Variants in SETD2 observed in about 807,000 individuals in gnomAD.
The protein encoded by SETD2 is histone-lysine N-methyltransferase SETD2.
SETD2 carries 31 observed loss-of-function variants against 242.1 expected under a neutral mutation model. That is an observed-to-expected ratio of 0.13 (90% CI 0.10 to 0.17). The LOEUF (loss-of-function observed/expected upper bound fraction) is 0.17, where lower values mean the gene tolerates loss of function less well. SETD2 is among the 10% of genes least tolerant of loss of function. The pLI, the probability that SETD2 is intolerant of heterozygous loss-of-function variation, is 1.00. For missense variants in SETD2, 2,481 were observed against 3,046.3 expected (o/e 0.81, Z 4.37); for synonymous variants, 1,006 against 1,066.5 (o/e 0.94, Z 1.11).
intron 3 of SETD2, 128 bp downstream of exon 3, chr3:47,120,054 C>G: frequency 1.2e-6 from 1 of 828,450 alleles, no homozygotes; most frequent in South Asian, 2.2e-5. Flanking sequence ...CTTTTTTAGA[C>G]TTTTAAATTT....
intron 12 of SETD2, among the ~76,000 whole-genome samples, chr3:47,080,154 TAG>T (rs1024184939): frequency 1.3e-5 from 2 of 152,206 alleles, no homozygotes; most frequent in African/African-American, 4.8e-5. Context: ...TAACTTTTCA[TAG>T]AGAGTTTTAA....
In SETD2 at chr3:47,084,273, G is replaced by A. The variant is rs144171734; in HGVS notation, c.5507C>T (p.Pro1836Leu). Reference protein sequence around the residue: ...RWSQTKTAVPPLSEGDGYSSE... With the variant: ...RWSQTKTAVPLLSEGDGYSSE... The stretch of plus-strand genomic sequence containing the variant: ...AGAATACCCATCTCCTTCACTCAAC[G>A]GAGGGACAGCAGTCTTAGTCTGAGA... The change falls in exon 12 of 21, where the codon CCG becomes CTG. Residue 1836 changes from proline to leucine, a missense_variant. Around this residue, in one of 17 missense-constraint regions of SETD2, gnomAD observed 203 missense variants for 222.4 expected, o/e 0.91. Coordinates refer to ENST00000409792, the MANE Select transcript of SETD2 (RefSeq NM_014159.7). 2.2e-5 allele frequency: 36 copies of A among 1,613,924 alleles called. No homozygotes were observed. Among genetic ancestry groups the A allele is most frequent in the Middle Eastern group, 1.6e-4 (1 of 6,084 alleles).
At chr3:47,131,779 T>A (rs79767572) in intron 1 of SETD2, among the ~76,000 whole-genome samples, 2 of 151,052 alleles carry the variant, frequency 1.3e-5, no homozygotes, top group African/African-American at 4.9e-5. Flanking sequence ...TTTTTTTTTT[T>A]AATTTACTTA....
At chr3:47,065,288 A>G (rs546556653) in intron 13 of SETD2, among the ~76,000 whole-genome samples, 7 of 152,280 alleles carry the variant, frequency 4.6e-5, no homozygotes, top group Admixed American at 2.0e-4. Context: ...AAAGACAAAC[A>G]ATGGTGCAAA....
chr3:47,151,616 T>C (rs1320452465), intron 1 of SETD2, among the ~76,000 whole-genome samples: 1 of 152,000 alleles, frequency 6.6e-6, no homozygotes, highest in Admixed American at 6.6e-5. Context: ...TCACCTGAGA[T>C]CGGGAGTTCG....
intron 5 of SETD2, among the ~76,000 whole-genome samples, chr3:47,112,901 A>G (rs2042715061): frequency 6.6e-6 from 1 of 152,116 alleles, no homozygotes; most frequent in South Asian, 2.1e-4. Context: ...AGAATACTTT[A>G]AATATGCTAT....
At chr3:47,159,676 T>C (rs985063922) in intron 1 of SETD2, among the ~76,000 whole-genome samples, 2 of 152,166 alleles carry the variant, frequency 1.3e-5, no homozygotes, top group African/African-American at 4.8e-5. Flanking sequence ...TTTACAAGAC[T>C]GTAAAAAAGC....
At chr3:47,070,726 C>A (rs1016219217) in intron 12 of SETD2, among the ~76,000 whole-genome samples, 1 of 152,042 alleles carries the variant, frequency 6.6e-6, no homozygotes, top group African/African-American at 2.4e-5. Flanking sequence ...GTTAAATATT[C>A]CACTCAAGAG....
At chr3:47,018,009 T>C (rs1002900573) in intron 19 of SETD2, among the ~76,000 whole-genome samples, 1 of 152,180 alleles carries the variant, frequency 6.6e-6, no homozygotes, top group South Asian at 2.1e-4. Context: ...ATGACTTCAA[T>C]GCTGAGTCCT....
At chr3:47,048,983 A>G (rs1346323189) in intron 15 of SETD2, among the ~76,000 whole-genome samples, 1 of 151,556 alleles carries the variant, frequency 6.6e-6, no homozygotes, top group Non-Finnish European at 1.5e-5. Flanking sequence ...TTTTTAAAAA[A>G]GAGTCTCATT....
intron 18 of SETD2, among the ~76,000 whole-genome samples, chr3:47,027,171 T>TA (rs1210466645): frequency 2.6e-5 from 4 of 151,560 alleles, no homozygotes; most frequent in Non-Finnish European, 4.4e-5. Flanking sequence ...CCATCTCTAC[T>TA]AAAAAATATT....
intron 18 of SETD2, among the ~76,000 whole-genome samples, chr3:47,022,210 C>T (rs946230268): frequency 4.0e-5 from 6 of 149,858 alleles, no homozygotes; most frequent in Non-Finnish European, 8.9e-5. Flanking sequence ...CACACACACA[C>T]ACACACACAC....
rs1173628730 is a variant in SETD2, at chr3:47,121,880, T to C, written c.2756A>G (p.Glu919Gly). ...TTCTTTCCCTGCATGCTTTAAAAAC[T>C]CTGAACTTTTTTTACTCTTTAGCAC... ...DAVLKSKKSS[E>G]FLKHAGKETI... The change falls in exon 3 of 21, where the codon GAG (glutamate) becomes GGG (glycine). Residue 919 changes from glutamate (E) to glycine (G), a missense_variant. Coordinates refer to ENST00000409792, the MANE Select transcript of SETD2 (RefSeq NM_014159.7). The C allele has an allele frequency of 5.0e-6, 8 of 1,613,906 alleles. No individual in the cohort carries two copies. The East Asian group carries it at 1.3e-4, about 27-fold the overall frequency.
chr3:47,092,096 G>C lies in SETD2; in HGVS notation c.5143-3849C>G, dbSNP rs79505287. Among the ~76,000 whole-genome samples, 285 of 152,142 alleles carry C rather than the reference G, an allele frequency of 1.9e-3. 2 individuals carry two copies. Among genetic ancestry groups the C allele is most frequent in the African/African-American group, 6.6e-3 (273 of 41,486 alleles). ...ATTTCCAGGATATAAAGAAAATCAC[G>C]TTCTAACTAAAGAAAAATAAACCGT... On this transcript the variant is annotated intron_variant, in intron 9 of 20. Coordinates refer to ENST00000409792, the MANE Select transcript of SETD2 (RefSeq NM_014159.7).
At chr3:47,035,076 G>A (rs1359310954) in intron 18 of SETD2, among the ~76,000 whole-genome samples, 1 of 152,200 alleles carries the variant, frequency 6.6e-6, no homozygotes, top group African/African-American at 2.4e-5. Flanking sequence ...ACTCTGGGTG[G>A]TTGGATATAG....
rs1257429535 is a variant in SETD2 at position 47,084,263 on chromosome 3, T to C, written c.5517A>G (p.Glu1839=). The C allele has an allele frequency of 6.2e-7, 1 of 1,614,066 alleles. No individual in the cohort carries two copies. The highest frequency in any genetic ancestry group is 8.5e-7 in the Non-Finnish European group (1 of 1,179,960). The change falls in exon 12 of 21, where the codon GAA becomes GAG. Residue 1839 remains glutamate, a synonymous_variant. Transcript: ENST00000409792. The part of the protein sequence containing the change: ...QTKTAVPPLS[E]GDGYSSENTS... ...TATTCTCACTAGAATACCCATCTCC[T>C]TCACTCAACGGAGGGACAGCAGTCT...
At chr3:47,117,073 C>T (rs966297746) in intron 3 of SETD2, among the ~76,000 whole-genome samples, 1 of 151,990 alleles carries the variant, frequency 6.6e-6, no homozygotes, top group Admixed American at 6.6e-5. Context: ...CTATGTTACT[C>T]AAGCTGGTCT....
rs2107588676 is a variant in SETD2, at chr3:47,062,184, C to T, written c.6272G>A (p.Gly2091Glu). The change falls in exon 14 of 21, where the codon GGA becomes GAA. Residue 2091 changes from glycine (G) to glutamate (E), a missense_variant. By Grantham distance (98) the Gly-to-Glu change is moderately conservative. Around this residue, in one of 17 missense-constraint regions of SETD2, gnomAD observed 80 missense variants for 102.6 expected, o/e 0.78. Transcript: ENST00000409792. Reference sequence around the variant, plus strand: ...TTACCTGTCATCTGGCCTTTTTGTTCCCCGCTCATAGGCAGAAGAGGGTGG... The same window carrying T: ...TTACCTGTCATCTGGCCTTTTTGTTTCCCGCTCATAGGCAGAAGAGGGTGG... ...LSPPSSAYER[G>E]TKRPDDRYDT... 3.1e-6 allele frequency: 5 copies of T among 1,612,956 alleles called. No individual in the cohort carries two copies. The highest frequency in any genetic ancestry group is 8.5e-7 in the Non-Finnish European group (1 of 1,179,750).
At chr3:47,038,729 T>C (rs550915209) in intron 17 of SETD2, among the ~76,000 whole-genome samples, 4 of 152,256 alleles carry the variant, frequency 2.6e-5, no homozygotes, top group South Asian at 4.1e-4. Flanking sequence ...TACAGTCATT[T>C]TGAAAATAAG....
Sources: allele counts gnomAD v4.1 joint callset (sites outside exome capture counted in the v4.1 genomes callset), GRCh38; gene constraint gnomAD v4.1.1; regional missense constraint gnomAD v4.1.1; transcripts MANE v1.5; gene names NCBI Gene and HGNC (gene_info 2026-07-23, HGNC 2026-07-21).